RSAD2: variants seen among roughly 807,000 people sequenced by gnomAD.
The protein encoded by RSAD2 is S-adenosylmethionine-dependent nucleotide dehydratase RSAD2.
Under a neutral mutation model 37.7 loss-of-function variants are expected in RSAD2, and 38 were observed. The observed-to-expected ratio is 1.01, with a 90% CI of 0.78 to 1.32. The LOEUF is 1.32. Ranked by LOEUF, RSAD2 falls within the 40% of genes most tolerant of loss-of-function variation. The pLI is 0.00. For missense variants in RSAD2, 428 were observed against 437.5 expected (o/e 0.98, Z 0.19); for synonymous variants, 163 against 157.4 (o/e 1.04, Z -0.27).
At chr2:6,866,341 C>T (rs182085620) in intron 1 of RSAD2, 8 of 720,644 alleles carry the variant, frequency 1.1e-5, no homozygotes, top group Admixed American at 1.3e-4. Flanking sequence ...GAACAGGGCG[C>T]AGTTCTGGCT....
chr2:6,878,355 T>G (rs1572153833), intron 1 of RSAD2, among the ~76,000 whole-genome samples: 1 of 152,280 alleles, frequency 6.6e-6, no homozygotes, highest in East Asian at 1.9e-4. Context: ...ATCACAGAAT[T>G]GGGCTGGAAC....
At chr2:6,866,078 G>T (rs142966723) in intron 1 of RSAD2, 1 of 268,122 alleles carries the variant, frequency 3.7e-6, no homozygotes, top group Non-Finnish European at 7.1e-6. Context: ...GGTGGCTGGC[G>T]GCCCCGACCC....
At chr2:6,881,626 G>T (rs1663402634) in intron 1 of RSAD2, among the ~76,000 whole-genome samples, 1 of 152,248 alleles carries the variant, frequency 6.6e-6, no homozygotes, top group African/African-American at 2.4e-5. Flanking sequence ...GATTAATAGA[G>T]ACAAGAAAGA....
chr2:6,894,679 A>G (rs1490686767), intron 5 of RSAD2, among the ~76,000 whole-genome samples: 2 of 152,216 alleles, frequency 1.3e-5, no homozygotes, highest in Non-Finnish European at 2.9e-5. Context: ...CATGTTGCCC[A>G]TGCTGGCCTC....
chr2:6,878,662 A>C (rs996570814), intron 1 of RSAD2: 1 of 195,694 alleles, frequency 5.1e-6, no homozygotes, highest in Non-Finnish European at 1.0e-5. Context: ...TTTTTAACAA[A>C]TATGTCAAGG....
intron 2 of RSAD2, among the ~76,000 whole-genome samples, chr2:6,885,598 ATC>A (rs1663501531): frequency 6.6e-6 from 1 of 152,034 alleles, no homozygotes; most frequent in South Asian, 2.1e-4. Flanking sequence ...GCTCCATTAA[ATC>A]TCTCTTCCCA....
Position 6,896,274 on chromosome 2 carries a change from A to C in RSAD2, c.*332A>C. The stretch of plus-strand genomic sequence containing the variant: ...ATGCTTAGATAAGGCCCCTATACAC[A>C]GGACCTGACATTTAGCTCAATGATG... On this transcript the variant is annotated 3_prime_UTR_variant, in exon 6 of 6. Coordinates refer to ENST00000382040, the MANE Select transcript of RSAD2 (RefSeq NM_080657.5). 1 of 189,536 alleles carries C rather than the reference A, an allele frequency of 5.3e-6. No individual in the cohort carries two copies. The highest frequency in any genetic ancestry group is 1.3e-4 in the East Asian group (1 of 7,814). The allele number at this position is 189,536 out of a possible 1,614,324, so 11.7% of individuals were successfully genotyped here. A position where few individuals can be genotyped will look rare whatever the true frequency, so the allele number is the denominator to read the frequency against.
chr2:6,895,444 A>G (rs1031685707), intron 5 of RSAD2, among the ~76,000 whole-genome samples: 1 of 152,206 alleles, frequency 6.6e-6, no homozygotes, highest in Admixed American at 6.5e-5. Flanking sequence ...CCAATTTAAA[A>G]TCTCAACACA....
chr2:6,886,160 T>C (rs1663514724), intron 2 of RSAD2, among the ~76,000 whole-genome samples: 2 of 152,132 alleles, frequency 1.3e-5, no homozygotes, highest in Non-Finnish European at 2.9e-5. Context: ...GACTCAGCCA[T>C]TGAGAATATC....
chr2:6,883,610 G>GCTGAAGGCCCAGGAGGGAA, intron 2 of RSAD2, 78 bp downstream of exon 2: 1 of 1,541,406 alleles, frequency 6.5e-7, no homozygotes, highest in Non-Finnish European at 8.9e-7. Context: ...TTCCCTCCTG[G>GCTGAAGGCCCAGGAGGGAA]GCCTTCAGCC....
At chr2:6,869,899 G>C (rs894821375) in intron 1 of RSAD2, among the ~76,000 whole-genome samples, 2 of 152,172 alleles carry the variant, frequency 1.3e-5, no homozygotes, top group Non-Finnish European at 2.9e-5. Flanking sequence ...GTGACTTCCT[G>C]GAAAGCCCAC....
intron 2 of RSAD2, among the ~76,000 whole-genome samples, chr2:6,885,282 G>T (rs1442578122): frequency 6.6e-6 from 1 of 152,164 alleles, no homozygotes; most frequent in African/African-American, 2.4e-5. Flanking sequence ...GCACAGGAAG[G>T]TCCATTTGAG....
Position 6,896,798 on chromosome 2 carries a change from C to G in RSAD2, c.*856C>G, listed in dbSNP as rs753555291. ...CTGAGCAAAACAAAGATACGCTTTC[C>G]ATTTGATGATGGAGTTGACATGGAG... On this transcript the variant is annotated 3_prime_UTR_variant, in exon 6 of 6. Transcript: ENST00000382040. 1.6e-4 allele frequency: 24 copies of G among 152,122 alleles called. No individual in the cohort carries two copies. The highest frequency in any genetic ancestry group is 3.2e-4 in the Non-Finnish European group (22 of 68,052). 9.4% of individuals were successfully genotyped at this position (152,122 alleles called of 1,614,324 possible). A position where few individuals can be genotyped will look rare whatever the true frequency, so the allele number is the denominator to read the frequency against.
rs145876640 is a variant in RSAD2, at chr2:6,865,935, C to G, written c.32C>G (p.Ala11Gly). Reference sequence around the variant, plus strand: ...GCGATAAACGGCCGGCGCTCGGGAGCAGACGCTTGGCCCCGGGGCCCCAGG... The same window carrying G: ...GCGATAAACGGCCGGCGCTCGGGAGGAGACGCTTGGCCCCGGGGCCCCAGG... The change falls in exon 1 of 6, where the codon GCA becomes GGA. Residue 11 changes from alanine (A) to glycine (G), a missense_variant. Physicochemically the swap from Ala to Gly is moderately conservative, Grantham distance 60. Transcript: ENST00000442639. The G allele has an allele frequency of 3.4e-3, 4,597 of 1,362,372 alleles. 157 individuals are homozygous for G. The African/African-American group carries it at 0.061, about 18-fold the overall frequency. The allele number at this position is 1,362,372 out of a possible 1,614,324, so 84.4% of individuals were successfully genotyped here.
intron 1 of RSAD2, among the ~76,000 whole-genome samples, chr2:6,869,033 A>G (rs1663158255): frequency 6.6e-6 from 1 of 152,320 alleles, no homozygotes; most frequent in African/African-American, 2.4e-5. Flanking sequence ...AGCTGGGCAC[A>G]TGGCAGGATG....
chr2:6,883,519 G>C lies in RSAD2; in HGVS notation c.495G>C (p.Trp165Cys). ...ATGGAAGCCTGATCCGGGAGAGGTG[G>C]TTCCAGAATTATGGTGTGCTCCATG... ...VSNGSLIRER[W>C]FQNYGEYLDI... The change falls in exon 2 of 6, where the codon TGG becomes TGC. Residue 165 changes from tryptophan to cysteine, a missense_variant. Coordinates refer to ENST00000382040, the MANE Select transcript of RSAD2 (RefSeq NM_080657.5). 6.2e-7 allele frequency: 1 copy of C among 1,614,142 alleles called. No individual in the cohort carries two copies. The highest frequency in any genetic ancestry group is 2.2e-5 in the East Asian group (1 of 44,872).
chr2:6,871,686 G>A (rs537272556), intron 1 of RSAD2, among the ~76,000 whole-genome samples: 2 of 152,266 alleles, frequency 1.3e-5, no homozygotes, highest in East Asian at 3.9e-4. Flanking sequence ...ATCATTACTT[G>A]TGCCTACCTG....
chr2:6,890,906 G>A (rs529938281), intron 4 of RSAD2, among the ~76,000 whole-genome samples: 1 of 152,080 alleles, frequency 6.6e-6, no homozygotes, highest in South Asian at 2.1e-4. Context: ...ATAACTAGAA[G>A]CCGGGTATCT....
chr2:6,883,559 TTATTGC>T, intron 2 of RSAD2, 27 bp downstream of exon 2: 1 of 1,609,872 alleles, frequency 6.2e-7, no homozygotes, highest in South Asian at 1.1e-5. Flanking sequence ...GGCATTCTTC[TTATTGC>T]TATTGCTATT....
Sources: gnomAD v4.1 joint callset for allele counts (sites outside exome capture counted in the v4.1 genomes callset) on GRCh38, gnomAD v4.1.1 for gene constraint, MANE v1.5 for transcripts, NCBI Gene and HGNC (gene_info 2026-07-23, HGNC 2026-07-21) for gene names.